The following HMCN1 variants were observed in gnomAD, a reference collection of about 807,000 sequenced individuals.
HMCN1 encodes the protein hemicentin-1.
A neutral mutation model predicts 625.9 loss-of-function variants in HMCN1; 321 were observed. The ratio of observed to expected loss-of-function variants is 0.51; its 90% CI spans 0.47 to 0.56. The LOEUF is 0.56. HMCN1 is among the 20% of genes least tolerant of loss of function. The pLI is 0.00. For synonymous variants in HMCN1, 2,425 were observed against 2,417.6 expected (o/e 1.00, Z -0.09); for missense variants, 6,588 against 6,887.3 (o/e 0.96, Z 1.54).
chr1:185,810,572 T>C (rs192456119), intron 1 of HMCN1, among the ~76,000 whole-genome samples: 1 of 152,080 alleles, frequency 6.6e-6, no homozygotes, highest in Non-Finnish European at 1.5e-5. Flanking sequence ...TGTAGTAAAA[T>C]GGACTCGATT....
intron 6 of HMCN1, among the ~76,000 whole-genome samples, chr1:185,919,671 T>C (rs1442289223): frequency 6.6e-6 from 1 of 152,172 alleles, no homozygotes; most frequent in Non-Finnish European, 1.5e-5. Context: ...ATTAAATTCA[T>C]TGAGATCATC....
chr1:186,131,730 C>T (rs538240053), intron 85 of HMCN1, among the ~76,000 whole-genome samples: 5 of 152,176 alleles, frequency 3.3e-5, no homozygotes, highest in African/African-American at 9.6e-5. Flanking sequence ...CTCTAGTCAC[C>T]AAATTGAAAT....
intron 4 of HMCN1, among the ~76,000 whole-genome samples, chr1:185,903,337 C>T (rs1319603070): frequency 2.6e-5 from 4 of 151,640 alleles, no homozygotes; most frequent in African/African-American, 9.7e-5. Context: ...TTCACTAATC[C>T]CCTCTAGAGT....
chr1:186,141,908 C>T (rs1649986683), intron 89 of HMCN1, among the ~76,000 whole-genome samples: 1 of 152,184 alleles, frequency 6.6e-6, no homozygotes, highest in Non-Finnish European at 1.5e-5. Flanking sequence ...CTCCTCTACC[C>T]TGCCATAACT....
At chr1:185,914,383 C>T (rs1315647470) in intron 6 of HMCN1, among the ~76,000 whole-genome samples, 2 of 152,086 alleles carry the variant, frequency 1.3e-5, no homozygotes, top group African/African-American at 2.4e-5. Flanking sequence ...AAGGTCTGCT[C>T]TATCACTGAA....
At chr1:186,037,743 GAA>G (rs1261264318) in intron 36 of HMCN1, among the ~76,000 whole-genome samples, 189 bp from the exon 37 acceptor site, 1 of 151,988 alleles carries the variant, frequency 6.6e-6, no homozygotes, top group Admixed American at 6.6e-5. Context: ...GTGTGATCCA[GAA>G]AACTTATTTA....
Position 185,976,464 on chromosome 1 carries a change from C to T in HMCN1, c.2372-1323C>T, listed in dbSNP as rs555393037. On this transcript the variant is annotated intron_variant, in intron 15 of 106. Coordinates refer to ENST00000271588, the MANE Select transcript of HMCN1 (RefSeq NM_031935.3). ...CTTGAGAGACAACTGTACATCAACT[C>T]CAGAATTCCCATGGGAAGAAAAGTG... 3.3e-5 allele frequency among the ~76,000 whole-genome samples: 5 copies of T among 152,186 alleles called. No homozygotes were observed. The South Asian group carries it at 1.0e-3, about 32-fold the overall frequency.
intron 25 of HMCN1, among the ~76,000 whole-genome samples, chr1:185,997,860 A>G (rs1652918350): frequency 6.8e-6 from 1 of 148,024 alleles, no homozygotes; most frequent in Non-Finnish European, 1.5e-5. Context: ...AGCTGGAGCT[A>G]TTCAAAATAT....
At chr1:185,813,553 A>G (rs6685934) in intron 1 of HMCN1, among the ~76,000 whole-genome samples, 6,772 of 152,226 alleles carry the variant, frequency 0.044, 214 homozygotes, top group South Asian at 0.073. Flanking sequence ...TATATAATAT[A>G]TGGATCTGTC....
intron 46 of HMCN1, among the ~76,000 whole-genome samples, chr1:186,059,999 AG>A (rs1316428942): frequency 1.3e-5 from 2 of 152,086 alleles, no homozygotes; most frequent in African/African-American, 4.8e-5. Context: ...CTGAAGTGGC[AG>A]TGAGTGCTTG....
At chr1:185,788,015 G>A (rs1201711774) in intron 1 of HMCN1, among the ~76,000 whole-genome samples, 4 of 152,176 alleles carry the variant, frequency 2.6e-5, no homozygotes, top group African/African-American at 4.8e-5. Context: ...CCAGGCAGTA[G>A]CAGGTCTGTC....
chr1:185,752,211 A>AT (rs926431077), intron 1 of HMCN1, among the ~76,000 whole-genome samples: 2 of 151,808 alleles, frequency 1.3e-5, no homozygotes, highest in African/African-American at 4.8e-5. Context: ...CTCTTAGGAG[A>AT]TTTTTTTGAC....
chr1:186,171,480 T>C (rs1467937688), intron 101 of HMCN1, 30 bp downstream of exon 101: 2 of 1,458,562 alleles, frequency 1.4e-6, no homozygotes. Flanking sequence ...TTTAAAGGAA[T>C]GACACCTCTA....
Position 185,909,417 on chromosome 1 carries a change from T to C in HMCN1, c.702T>C (p.Asn234=). 6.2e-7 allele frequency: 1 copy of C among 1,613,510 alleles called. No homozygotes were observed. The highest frequency in any genetic ancestry group is 8.5e-7 in the Non-Finnish European group (1 of 1,179,544). Residue 234 remains asparagine (N), a synonymous_variant, in exon 5 of 107, where the codon AAT becomes AAC. Coordinates refer to ENST00000271588, the MANE Select transcript of HMCN1 (RefSeq NM_031935.3). ...CAGATCATTTGGAACAGGCTGTAAA[T>C]ACTTGGAGAATTCCTTTTGATCCCA... ...LSTDHLEQAV[N]TWRIPFDPSL...
chr1:186,007,264 A>G lies in HMCN1; in HGVS notation c.4612A>G (p.Ile1538Val), dbSNP rs1653703209. The change falls in exon 30 of 107, where the codon ATA (isoleucine) becomes GTA (valine). Residue 1538 changes from isoleucine (I) to valine (V), a missense_variant. Transcript: ENST00000271588. ...SNAAGKQAKD[I>V]KLTIYIPPSI... is the part of the protein sequence containing the mutation. ...TGCAGCTGGCAAACAAGCCAAGGAT[A>G]TAAAACTGACTATCTATAGTAAGTG... The G allele has an allele frequency of 1.2e-6, 2 of 1,613,634 alleles. No individual in the cohort carries two copies. Among genetic ancestry groups the G allele is most frequent in the African/African-American group, 2.7e-5 (2 of 74,930 alleles).
intron 4 of HMCN1, among the ~76,000 whole-genome samples, chr1:185,888,510 T>G (rs1245776471): frequency 7.0e-6 from 1 of 143,070 alleles, no homozygotes; most frequent in Non-Finnish European, 1.5e-5. Context: ...GGGATCCAGT[T>G]TCAGCTTTCT....
rs144261531 is a variant in HMCN1 at position 186,098,748 on chromosome 1, C to G, written c.10573+3227C>G. On this transcript the variant is annotated intron_variant, in intron 68 of 106. Coordinates refer to ENST00000271588, the MANE Select transcript of HMCN1 (RefSeq NM_031935.3). ...TCCATGTTTATCACAGCACTATTCC[C>G]AACAGACAAGATATATAATCAATCT... Among the ~76,000 whole-genome samples, 1,381 of 152,102 alleles carry G rather than the reference C, an allele frequency of 9.1e-3. 14 individuals carry two copies. Among genetic ancestry groups the G allele is most frequent in the Non-Finnish European group, 0.012 (806 of 67,980 alleles).
chr1:185,969,748 T>C (rs1281584356), intron 14 of HMCN1, among the ~76,000 whole-genome samples: 1 of 152,182 alleles, frequency 6.6e-6, no homozygotes, highest in Non-Finnish European at 1.5e-5. Context: ...TCCAGTACTA[T>C]GTACAGTACT....
At chr1:185,957,575 A>G (rs1273511212) in intron 11 of HMCN1, among the ~76,000 whole-genome samples, 1 of 152,202 alleles carries the variant, frequency 6.6e-6, no homozygotes, top group East Asian at 1.9e-4. Context: ...AGATCAACCC[A>G]GGAGTCCTTG....
Sources: gnomAD v4.1 joint callset for allele counts (sites outside exome capture counted in the v4.1 genomes callset) on GRCh38, gnomAD v4.1.1 for gene constraint, MANE v1.5 for transcripts, NCBI Gene and HGNC (gene_info 2026-07-23, HGNC 2026-07-21) for gene names.